SEMA6D: variants seen among roughly 807,000 people sequenced by gnomAD.
The protein encoded by SEMA6D is semaphorin 6D, also known as semaphorin-6D.
SEMA6D carries 35 observed loss-of-function variants against 106.6 expected under a neutral mutation model. The observed-to-expected ratio is 0.33, with a 90% CI of 0.25 to 0.44. The LOEUF is 0.44. SEMA6D is among the 20% of genes least tolerant of loss of function. SEMA6D has a pLI of 1.00. For missense variants in SEMA6D, 1,185 were observed against 1,345.9 expected, an observed-to-expected ratio of 0.88 and a Z score of 1.87; for synonymous variants, 499 against 487.7, an observed-to-expected ratio of 1.02 and a Z score of -0.31.
At chr15:47,193,081 C>T (rs1258029965) in intron 1 of SEMA6D, among the ~76,000 whole-genome samples, 1 of 152,134 alleles carries the variant, frequency 6.6e-6, no homozygotes, top group African/African-American at 2.4e-5. Context: ...CTTGCAGAAA[C>T]AAAGATCTGA....
chr15:47,667,467 A>G (rs1403331270), intron 4 of SEMA6D, among the ~76,000 whole-genome samples: 1 of 152,194 alleles, frequency 6.6e-6, no homozygotes, highest in Non-Finnish European at 1.5e-5. Flanking sequence ...AGGTACTGAG[A>G]ACACACTATC....
At chr15:47,748,802 G>A (rs979699323) in intron 1 of SEMA6D, among the ~76,000 whole-genome samples, 1 of 152,200 alleles carries the variant, frequency 6.6e-6, no homozygotes, top group Non-Finnish European at 1.5e-5. Context: ...AAGTGCTTTT[G>A]GACAGGGATG....
At chr15:47,562,440 A>G (rs1051655142) in intron 3 of SEMA6D, among the ~76,000 whole-genome samples, 7 of 152,100 alleles carry the variant, frequency 4.6e-5, no homozygotes, top group Admixed American at 1.3e-4. Context: ...CTTGACAAAT[A>G]GGATTTATTA....
At chr15:47,656,951 C>T (rs924924797) in intron 4 of SEMA6D, among the ~76,000 whole-genome samples, 4 of 152,182 alleles carry the variant, frequency 2.6e-5, no homozygotes, top group African/African-American at 9.7e-5. Context: ...CAGCTACATA[C>T]TATTAAGAGG....
At chr15:47,698,439 G>T (rs1384436403) in intron 4 of SEMA6D, among the ~76,000 whole-genome samples, 8 of 152,148 alleles carry the variant, frequency 5.3e-5, no homozygotes, top group Non-Finnish European at 1.0e-4. Flanking sequence ...ACTCTCTTAA[G>T]ACTTCTTCAA....
At position 47,761,151 on chromosome 15, in the gene SEMA6D, A is replaced by G. The variant is rs761401878; in HGVS notation, c.283-7A>G. 6.0e-5 allele frequency: 97 copies of G among 1,613,566 alleles called. 2 individuals carry two copies. In the South Asian group the frequency reaches 9.3e-4, roughly 16 times the overall value. On this transcript the variant is annotated splice_region_variant and splice_polypyrimidine_tract_variant and intron_variant, in intron 4 of 18. Transcript: ENST00000536845. ...AAAACTGCTTTGGTTTTGCTTGATTAATACAGAAACTGACATGGCGATCAA... is the reference window on the plus strand; with the variant it reads ...AAAACTGCTTTGGTTTTGCTTGATTGATACAGAAACTGACATGGCGATCAA...
chr15:47,676,325 C>T (rs1284062109), intron 4 of SEMA6D, among the ~76,000 whole-genome samples: 2 of 152,196 alleles, frequency 1.3e-5, no homozygotes, highest in Non-Finnish European at 2.9e-5. Context: ...GCTGCTAAAA[C>T]TGCACCCATC....
intron 1 of SEMA6D, chr15:47,393,625 G>A (rs2145855475): frequency 6.6e-6 from 1 of 152,272 alleles, no homozygotes; most frequent in South Asian, 2.1e-4. Context: ...GCCTTCCAGT[G>A]TTAATCATGG....
intron 1 of SEMA6D, among the ~76,000 whole-genome samples, chr15:47,227,429 C>CTTTCTTTCTTTCTTTCT (rs1555407178): frequency 8.2e-5 from 12 of 145,614 alleles, no homozygotes; most frequent in African/African-American, 1.3e-4. Flanking sequence ...CTCTTTCTTT[C>CTTTCTTTCTTTCTTTCT]TTTCTTTCTT....
chr15:47,769,773 G>T (rs777727178), intron 18 of SEMA6D, among the ~76,000 whole-genome samples: 2 of 151,964 alleles, frequency 1.3e-5, no homozygotes, highest in Non-Finnish European at 2.9e-5. Flanking sequence ...AAACTAATTT[G>T]CTCTTCTTTT....
intron 4 of SEMA6D, among the ~76,000 whole-genome samples, chr15:47,672,120 C>T (rs2078148963): frequency 6.6e-6 from 1 of 152,094 alleles, no homozygotes; most frequent in Non-Finnish European, 1.5e-5. Context: ...ATATTTATCT[C>T]CATTTTACAC....
intron 4 of SEMA6D, among the ~76,000 whole-genome samples, chr15:47,676,405 G>A (rs2078246724): frequency 6.6e-6 from 1 of 152,112 alleles, no homozygotes; most frequent in African/African-American, 2.4e-5. Flanking sequence ...CTTGCTTCTT[G>A]GCTAACTCAG....
chr15:47,598,946 C>G (rs565994334), intron 3 of SEMA6D, among the ~76,000 whole-genome samples: 1 of 152,186 alleles, frequency 6.6e-6, no homozygotes, highest in South Asian at 2.1e-4. Context: ...CAAGGCTTGG[C>G]ACTTAGCACA....
intron 4 of SEMA6D, among the ~76,000 whole-genome samples, chr15:47,700,040 A>G (rs1468395931): frequency 6.6e-6 from 1 of 152,246 alleles, no homozygotes; most frequent in Non-Finnish European, 1.5e-5. Context: ...TTAGCATCCC[A>G]CAAAATGAAA....
intron 4 of SEMA6D, among the ~76,000 whole-genome samples, chr15:47,696,497 G>A (rs1343198632): frequency 6.6e-6 from 1 of 152,172 alleles, no homozygotes; most frequent in Non-Finnish European, 1.5e-5. Context: ...CCCCTCCATG[G>A]TGGTATCTCC....
chr15:47,547,576 A>C (rs1432598447), intron 3 of SEMA6D, among the ~76,000 whole-genome samples: 1 of 152,168 alleles, frequency 6.6e-6, no homozygotes, highest in Non-Finnish European at 1.5e-5. Flanking sequence ...GGTAAGTCCC[A>C]ATAAAATGAA....
chr15:47,515,085 A>G (rs1009791664), intron 3 of SEMA6D, among the ~76,000 whole-genome samples: 5 of 152,212 alleles, frequency 3.3e-5, no homozygotes, highest in Non-Finnish European at 7.3e-5. Context: ...AACTTTCTCA[A>G]ATATGATTGG....
chr15:47,217,704 A>G (rs1473023823), intron 1 of SEMA6D, among the ~76,000 whole-genome samples: 1 of 151,884 alleles, frequency 6.6e-6, no homozygotes, highest in East Asian at 1.9e-4. Flanking sequence ...TTCCTATACT[A>G]TTTGAAAAAT....
chr15:47,729,476 G>A (rs908810924), intron 1 of SEMA6D, among the ~76,000 whole-genome samples: 1 of 152,188 alleles, frequency 6.6e-6, no homozygotes, highest in Non-Finnish European at 1.5e-5. Context: ...GTGTTTTAAT[G>A]GAACTACTAG....
Sources: allele counts gnomAD v4.1 joint callset (sites outside exome capture counted in the v4.1 genomes callset), GRCh38; gene constraint gnomAD v4.1.1; transcripts MANE v1.5; gene names NCBI Gene and HGNC (gene_info 2026-07-23, HGNC 2026-07-21).